The following FSTL4 variants were observed in gnomAD, a reference collection of about 807,000 sequenced individuals.
FSTL4 encodes the protein follistatin like 4.
A neutral mutation model predicts 78.2 loss-of-function variants in FSTL4; 28 were observed. The observed-to-expected ratio is 0.36, with a 90% CI of 0.27 to 0.49. FSTL4 has a LOEUF of 0.49. FSTL4 is among the 20% of genes least tolerant of loss of function. The pLI is 0.98. For missense variants in FSTL4, 922 were observed against 1,084.9 expected, an observed-to-expected ratio of 0.85 and a Z score of 2.11; for synonymous variants, 422 against 440.5, an observed-to-expected ratio of 0.96 and a Z score of 0.53.
At chr5:133,590,018 T>C (rs1458374490) in intron 2 of FSTL4, among the ~76,000 whole-genome samples, 1 of 152,246 alleles carries the variant, frequency 6.6e-6, no homozygotes, top group East Asian at 1.9e-4. Flanking sequence ...AAGCTGTTTA[T>C]TAATTCTATC....
the FSTL4 span, among the ~76,000 whole-genome samples, chr5:133,729,117 G>C: frequency 2.0e-5 from 3 of 152,090 alleles, no homozygotes; most frequent in Non-Finnish European, 4.4e-5. Flanking sequence ...GTGGGGAAAG[G>C]TTCCTGAAAG....
At chr5:133,623,589 G>A in the FSTL4 span, among the ~76,000 whole-genome samples, 9 of 152,050 alleles carry the variant, frequency 5.9e-5, no homozygotes, top group African/African-American at 2.2e-4. Context: ...TTTGGATTTG[G>A]CAATGTATCC....
rs1751662941 is a variant in FSTL4, at chr5:133,236,400, G to A, written c.895-2863C>T. On this transcript the variant is annotated intron_variant, in intron 7 of 15. Coordinates refer to ENST00000265342, the MANE Select transcript of FSTL4 (RefSeq NM_015082.2). The surrounding 1 kb of genome is among the most constrained non-coding windows in gnomAD (Gnocchi z 5.0). ...GTGCCGGGAACTTACACGTCACCTTGTATGTATTTAATCCTCAGGAAAAAA... is the reference window on the plus strand; with the variant it reads ...GTGCCGGGAACTTACACGTCACCTTATATGTATTTAATCCTCAGGAAAAAA... Among the ~76,000 whole-genome samples, 1 of 151,174 alleles carries A rather than the reference G, an allele frequency of 6.6e-6. No homozygotes were observed. Among genetic ancestry groups the A allele is most frequent in the Admixed American group, 6.6e-5 (1 of 15,240 alleles).
intron 3 of FSTL4, among the ~76,000 whole-genome samples, chr5:133,434,279 A>C (rs1756997872): frequency 6.6e-6 from 1 of 152,212 alleles, no homozygotes; most frequent in African/African-American, 2.4e-5. Flanking sequence ...ATGTTATAAA[A>C]TAAATGGAAT....
At chr5:133,300,332 G>A (rs1029937031) in intron 6 of FSTL4, among the ~76,000 whole-genome samples, 23 of 152,204 alleles carry the variant, frequency 1.5e-4, no homozygotes, top group African/African-American at 5.5e-4. Flanking sequence ...CCCTGGGCTA[G>A]CTTTGTTCTA....
the FSTL4 span, among the ~76,000 whole-genome samples, chr5:133,798,741 C>T: frequency 4.6e-5 from 7 of 152,094 alleles, no homozygotes; most frequent in Non-Finnish European, 8.8e-5. Context: ...CGTCCCCGCT[C>T]AGTTCTGTGG....
the FSTL4 span, among the ~76,000 whole-genome samples, chr5:133,832,312 T>A: frequency 4.6e-5 from 7 of 152,256 alleles, no homozygotes; most frequent in African/African-American, 1.7e-4. Flanking sequence ...AAATGTCCCC[T>A]TGTACTCAGG....
At chr5:133,302,854 C>T (rs1753577638) in intron 6 of FSTL4, among the ~76,000 whole-genome samples, 2 of 152,242 alleles carry the variant, frequency 1.3e-5, no homozygotes, top group South Asian at 4.1e-4. Flanking sequence ...TGAACATTTT[C>T]TCTTTACTAC....
chr5:133,773,655 C>T, the FSTL4 span, among the ~76,000 whole-genome samples: 1 of 152,188 alleles, frequency 6.6e-6, no homozygotes, highest in African/African-American at 2.4e-5. Flanking sequence ...TATCAGCTTA[C>T]TGTTCTTACT....
At chr5:133,733,835 G>A in the FSTL4 span, among the ~76,000 whole-genome samples, 9 of 152,286 alleles carry the variant, frequency 5.9e-5, no homozygotes, top group East Asian at 3.9e-4. Context: ...CTGGGGCTGC[G>A]GACTCATTCA....
the FSTL4 span, among the ~76,000 whole-genome samples, chr5:133,824,593 G>A: frequency 2.6e-5 from 4 of 152,192 alleles, no homozygotes; most frequent in Non-Finnish European, 4.4e-5. Flanking sequence ...AAGAGGTGAT[G>A]CATGACTCAG....
chr5:133,323,575 A>AT, intron 4 of FSTL4, among the ~76,000 whole-genome samples: 1 of 152,328 alleles, frequency 6.6e-6, no homozygotes, highest in East Asian at 1.9e-4. Context: ...GAGAGGCTGC[A>AT]TGTCCTGGTA....
chr5:133,778,012 G>C, the FSTL4 span, among the ~76,000 whole-genome samples: 1 of 152,212 alleles, frequency 6.6e-6, no homozygotes, highest in Non-Finnish European at 1.5e-5. Context: ...CTACTTCTGG[G>C]AAAACTGGGG....
At chr5:133,496,508 C>T (rs1758369519) in intron 3 of FSTL4, among the ~76,000 whole-genome samples, 1 of 152,182 alleles carries the variant, frequency 6.6e-6, no homozygotes. Flanking sequence ...AGCCCTGGGA[C>T]CTGTGTTGTA....
chr5:133,729,247 ACACACACAC>A, the FSTL4 span, among the ~76,000 whole-genome samples: 10 of 151,976 alleles, frequency 6.6e-5, no homozygotes, highest in Admixed American at 6.6e-4. Flanking sequence ...ACACACACAC[ACACACACAC>A]ACACTCATAC....
intron 4 of FSTL4, among the ~76,000 whole-genome samples, chr5:133,326,590 A>G (rs966773829): frequency 1.3e-5 from 2 of 152,212 alleles, no homozygotes; most frequent in African/African-American, 4.8e-5. Context: ...ACTCCCTGCC[A>G]GAAAGCCCGC....
the FSTL4 span, among the ~76,000 whole-genome samples, chr5:133,839,012 T>A: frequency 1.3e-5 from 2 of 152,240 alleles, no homozygotes; most frequent in South Asian, 4.1e-4. Context: ...CAAGTCAGTC[T>A]GCCATTTCCA....
At chr5:133,816,529 T>C in the FSTL4 span, among the ~76,000 whole-genome samples, 1 of 152,136 alleles carries the variant, frequency 6.6e-6, no homozygotes, top group Non-Finnish European at 1.5e-5. Context: ...GGATGGCACA[T>C]CGATCGGCTC....
At chr5:133,689,936 C>T in the FSTL4 span, among the ~76,000 whole-genome samples, 1 of 151,876 alleles carries the variant, frequency 6.6e-6, no homozygotes, top group Non-Finnish European at 1.5e-5. Context: ...TAGCAGACAC[C>T]TGTAATCCCA....
Sources: gnomAD v4.1 joint callset for allele counts (sites outside exome capture counted in the v4.1 genomes callset) on GRCh38, gnomAD v4.1.1 for gene constraint, Gnocchi (gnomAD v3.1) non-coding constraint, MANE v1.5 for transcripts, NCBI Gene and HGNC (gene_info 2026-07-23, HGNC 2026-07-21) for gene names.